The following KCNH8 variants were observed in gnomAD, a reference collection of about 807,000 sequenced individuals.
The protein encoded by KCNH8 is potassium voltage-gated channel subfamily H member 8, also known as voltage-gated delayed rectifier potassium channel KCNH8.
A neutral mutation model predicts 103.6 loss-of-function variants in KCNH8; 70 were observed. The ratio of observed to expected loss-of-function variants is 0.68; its 90% CI spans 0.56 to 0.82. KCNH8 has a LOEUF of 0.82. Ranked by LOEUF, KCNH8 falls within the 40% of genes least tolerant of loss-of-function variation. The probability of loss-of-function intolerance (pLI) is 0.00; values close to 1 mark genes in which losing one functional copy is unlikely to be tolerated. For synonymous variants in KCNH8, 498 were observed against 489.4 expected (o/e 1.02, Z -0.23); for missense variants, 1,217 against 1,329.9 (o/e 0.92, Z 1.32).
chr3:19,402,224 C>A (rs1469940094), intron 7 of KCNH8, among the ~76,000 whole-genome samples: 1 of 151,640 alleles, frequency 6.6e-6, no homozygotes, highest in African/African-American at 2.4e-5. Context: ...CTTTTTTGTA[C>A]ATATTGTTAA....
chr3:19,403,623 A>C (rs1278086162), intron 7 of KCNH8, among the ~76,000 whole-genome samples: 1 of 151,454 alleles, frequency 6.6e-6, no homozygotes, highest in East Asian at 1.9e-4. Context: ...CACTGATTTG[A>C]AATGTAAAGT....
At chr3:19,391,074 C>A (rs2066430458) in intron 6 of KCNH8, among the ~76,000 whole-genome samples, 1 of 151,826 alleles carries the variant, frequency 6.6e-6, no homozygotes, top group Non-Finnish European at 1.5e-5. Flanking sequence ...ATTGGCAAAA[C>A]CAACTGAAGA....
chr3:19,330,624 C>G (rs1180186190), intron 3 of KCNH8, among the ~76,000 whole-genome samples: 1 of 152,178 alleles, frequency 6.6e-6, no homozygotes, highest in South Asian at 2.1e-4. Flanking sequence ...GAAATACTAT[C>G]AGGAAGTTAA....
At position 19,534,276 on chromosome 3, in the gene KCNH8, G is replaced by C. The variant is rs962202595; in HGVS notation, c.*177G>C. The C allele has an allele frequency of 6.4e-5, 38 of 598,136 alleles. No homozygotes were observed. Among genetic ancestry groups the C allele is most frequent in the Non-Finnish European group, 1.0e-4 (35 of 338,012 alleles). 37.1% of individuals were successfully genotyped at this position (598,136 alleles called of 1,614,324 possible). On this transcript the variant is annotated 3_prime_UTR_variant, in exon 16 of 16. Coordinates refer to ENST00000328405, the MANE Select transcript of KCNH8 (RefSeq NM_144633.3). ...TCCATGCTGTAGCAAACAATTTCTAGATACTAGAAGCATAATAGAAACATT... is the reference window on the plus strand; with the variant it reads ...TCCATGCTGTAGCAAACAATTTCTACATACTAGAAGCATAATAGAAACATT...
intron 2 of KCNH8, among the ~76,000 whole-genome samples, chr3:19,277,508 C>A (rs1015574582): frequency 3.9e-5 from 6 of 152,032 alleles, no homozygotes; most frequent in Admixed American, 3.9e-4. Flanking sequence ...TGTGATCATG[C>A]CACTGCACTC....
At chr3:19,360,200 G>A (rs531025388) in intron 5 of KCNH8, among the ~76,000 whole-genome samples, 1 of 152,154 alleles carries the variant, frequency 6.6e-6, no homozygotes, top group Non-Finnish European at 1.5e-5. Flanking sequence ...TCTTTTTTAG[G>A]TGGAGAATCA....
intron 5 of KCNH8, among the ~76,000 whole-genome samples, chr3:19,352,285 G>T (rs1234401781): frequency 6.6e-6 from 1 of 152,202 alleles, no homozygotes; most frequent in Admixed American, 6.5e-5. Flanking sequence ...ATAATAATGG[G>T]AGACTTTAAC....
intron 5 of KCNH8, among the ~76,000 whole-genome samples, chr3:19,372,251 A>C (rs1486268336): frequency 6.6e-6 from 1 of 151,942 alleles, no homozygotes; most frequent in Non-Finnish European, 1.5e-5. Context: ...TGAGCATGGA[A>C]TGTTCTTCCA....
chr3:19,511,378 A>C lies in KCNH8; in HGVS notation c.2079+977A>C, dbSNP rs1439776781. On this transcript the variant is annotated intron_variant, in intron 12 of 15. Transcript: ENST00000328405. ...AATTTCCACAAACTTGTAGAAGTAC[A>C]AATACTTGACAGGTTATTAGAGAAT... Among the ~76,000 whole-genome samples, 3 of 152,334 alleles carry C rather than the reference A, an allele frequency of 2.0e-5. No individual in the cohort carries two copies. The South Asian group carries it at 6.2e-4, about 32-fold the overall frequency.
chr3:19,156,982 TA>T (rs139952502), intron 1 of KCNH8, among the ~76,000 whole-genome samples: 52 of 149,854 alleles, frequency 3.5e-4, no homozygotes, highest in East Asian at 1.4e-3. Context: ...TTTTTTTTTT[TA>T]AAAAAAAGGT....
intron 3 of KCNH8, among the ~76,000 whole-genome samples, chr3:19,295,307 T>G (rs1258783341): frequency 6.6e-6 from 1 of 151,768 alleles, no homozygotes; most frequent in Non-Finnish European, 1.5e-5. Context: ...TTGCTTGAGT[T>G]CAGGAGGTGG....
At chr3:19,352,911 CA>C (rs533965697) in intron 5 of KCNH8, among the ~76,000 whole-genome samples, 14 of 150,588 alleles carry the variant, frequency 9.3e-5, no homozygotes, top group African/African-American at 2.9e-4. Flanking sequence ...GATAGAGACA[CA>C]AAAAAACCTT....
intron 11 of KCNH8, among the ~76,000 whole-genome samples, chr3:19,503,905 G>A (rs1384446010): frequency 6.6e-6 from 1 of 151,704 alleles, no homozygotes; most frequent in Non-Finnish European, 1.5e-5. Context: ...TTGTGCACAG[G>A]TACCCTAAAA....
chr3:19,415,703 A>C (rs992625658), intron 7 of KCNH8, among the ~76,000 whole-genome samples: 2 of 152,076 alleles, frequency 1.3e-5, no homozygotes, highest in African/African-American at 2.4e-5. Context: ...GGTTGGTGCA[A>C]AAGTAATTTT....
chr3:19,325,137 G>T (rs975645450), intron 3 of KCNH8, among the ~76,000 whole-genome samples: 1 of 152,108 alleles, frequency 6.6e-6, no homozygotes. Flanking sequence ...TGGGATAACT[G>T]GCTAGCCATA....
intron 1 of KCNH8, among the ~76,000 whole-genome samples, chr3:19,152,673 C>T (rs958951299): frequency 3.3e-5 from 5 of 152,236 alleles, no homozygotes; most frequent in African/African-American, 9.6e-5. Flanking sequence ...CAGTGGCTCA[C>T]GCCTGTAATC....
chr3:19,168,316 C>G (rs1050537169), intron 1 of KCNH8, among the ~76,000 whole-genome samples: 1 of 151,998 alleles, frequency 6.6e-6, no homozygotes, highest in African/African-American at 2.4e-5. Context: ...TGTGAGCCAC[C>G]GCGCCCGGCC....
chr3:19,387,048 G>A (rs1291286503), intron 5 of KCNH8, among the ~76,000 whole-genome samples: 4 of 152,050 alleles, frequency 2.6e-5, no homozygotes, highest in Admixed American at 2.6e-4. Flanking sequence ...TAAACATTGA[G>A]TTATCCTGGT....
chr3:19,323,882 C>T (rs2065384875), intron 3 of KCNH8, among the ~76,000 whole-genome samples: 1 of 152,184 alleles, frequency 6.6e-6, no homozygotes, highest in South Asian at 2.1e-4. Context: ...GCCATGGATG[C>T]CATCACTTGC....
Sources: gnomAD v4.1 joint callset for allele counts (sites outside exome capture counted in the v4.1 genomes callset) on GRCh38, gnomAD v4.1.1 for gene constraint, MANE v1.5 for transcripts, NCBI Gene and HGNC (gene_info 2026-07-23, HGNC 2026-07-21) for gene names.